The following MGAT4C variants were observed in gnomAD, a reference collection of about 807,000 sequenced individuals.
The protein encoded by MGAT4C is alpha-1,3-mannosyl-glycoprotein 4-beta-N-acetylglucosaminyltransferase C.
MGAT4C carries 19 observed loss-of-function variants against 40.1 expected under a neutral mutation model. The observed-to-expected ratio is 0.47, with a 90% CI of 0.33 to 0.70. MGAT4C has a LOEUF of 0.70. Among genes scored for constraint, MGAT4C ranks in the 30% least tolerant of loss-of-function variants. MGAT4C has a pLI of 0.02. For synonymous variants in MGAT4C, 181 were observed against 187.1 expected, an observed-to-expected ratio of 0.97 and a Z score of 0.27; for missense variants, 491 against 563.2, an observed-to-expected ratio of 0.87 and a Z score of 1.30.
intron 1 of MGAT4C, among the ~76,000 whole-genome samples, chr12:86,239,240 G>A (rs1339365123): frequency 6.6e-6 from 1 of 152,036 alleles, no homozygotes; most frequent in Non-Finnish European, 1.5e-5. Context: ...ACTTTTGGAT[G>A]TCTCAATGAA....
chr12:86,232,987 T>A (rs1293584534), intron 1 of MGAT4C, among the ~76,000 whole-genome samples: 2 of 152,264 alleles, frequency 1.3e-5, no homozygotes, highest in South Asian at 2.1e-4. Flanking sequence ...ATAGGTAAAA[T>A]TTTAATAATT....
intron 4 of MGAT4C, among the ~76,000 whole-genome samples, chr12:86,295,937 A>T (rs1953659741): frequency 7.1e-6 from 1 of 140,916 alleles, no homozygotes; most frequent in Non-Finnish European, 1.5e-5. Context: ...GCTAGACATA[A>T]AGACTCTCCA....
At chr12:86,225,932 G>T (rs1272003582) in intron 1 of MGAT4C, among the ~76,000 whole-genome samples, 1 of 151,950 alleles carries the variant, frequency 6.6e-6, no homozygotes, top group Non-Finnish European at 1.5e-5. Flanking sequence ...AGTAGTGGAA[G>T]TCCTAGCCAA....
chr12:86,790,540 TA>T (rs1952005011), intron 1 of MGAT4C, among the ~76,000 whole-genome samples: 1 of 152,180 alleles, frequency 6.6e-6, no homozygotes, highest in Non-Finnish European at 1.5e-5. Flanking sequence ...TATGAGAATC[TA>T]TTTTCTATTA....
intron 2 of MGAT4C, among the ~76,000 whole-genome samples, chr12:86,611,656 C>G (rs1962287013): frequency 6.6e-6 from 1 of 152,112 alleles, no homozygotes; most frequent in Non-Finnish European, 1.5e-5. Flanking sequence ...TTTAATCATA[C>G]TTGGTAAAAT....
rs144745313 is a variant in MGAT4C, at chr12:86,264,050, GTTAT to G, written c.-57+70011_-57+70014del. Among the ~76,000 whole-genome samples, 1,344 of 152,080 alleles carry G rather than the reference GTTAT, an allele frequency of 8.8e-3. 17 individuals carry two copies. The highest frequency in any genetic ancestry group is 0.029 in the African/African-American group (1,208 of 41,502). On this transcript the variant is annotated intron_variant, in intron 4 of 7. Transcript: ENST00000548651. ...TGGGGTGGGGGGTTGTTGTTGGTGG[GTTAT>G]TTGAGTTCTTTCTACATCCTGGATA...
intron 4 of MGAT4C, among the ~76,000 whole-genome samples, chr12:86,281,453 T>C (rs866719667): frequency 6.6e-6 from 1 of 151,964 alleles, no homozygotes; most frequent in African/African-American, 2.4e-5. Context: ...TCTGTATCTC[T>C]GTATATGTAT....
intron 4 of MGAT4C, among the ~76,000 whole-genome samples, chr12:86,331,639 A>T (rs1954671334): frequency 1.3e-5 from 2 of 152,142 alleles, no homozygotes; most frequent in Non-Finnish European, 2.9e-5. Flanking sequence ...TTAGAGAGAC[A>T]GTTTAACAAC....
chr12:86,707,334 C>A (rs1209539006), intron 2 of MGAT4C, among the ~76,000 whole-genome samples: 1 of 151,934 alleles, frequency 6.6e-6, no homozygotes, highest in African/African-American at 2.4e-5. Flanking sequence ...ATGCTGATAG[C>A]AATATGGAAA....
At chr12:86,683,194 G>C (rs1169567387) in intron 2 of MGAT4C, among the ~76,000 whole-genome samples, 3 of 152,018 alleles carry the variant, frequency 2.0e-5, no homozygotes, top group Non-Finnish European at 4.4e-5. Context: ...AGTATTAAAT[G>C]ACTAAAAATA....
chr12:86,627,433 C>T (rs1962852449), intron 2 of MGAT4C, among the ~76,000 whole-genome samples: 2 of 152,176 alleles, frequency 1.3e-5, no homozygotes, highest in African/African-American at 4.8e-5. Flanking sequence ...GGGACCCTGA[C>T]CCCGTGTAGC....
intron 2 of MGAT4C, among the ~76,000 whole-genome samples, chr12:86,605,295 C>T (rs1048796857): frequency 1.3e-5 from 2 of 151,974 alleles, no homozygotes; most frequent in African/African-American, 4.8e-5. Context: ...TAGTCAGTTT[C>T]AGGGATGGGA....
intron 4 of MGAT4C, among the ~76,000 whole-genome samples, chr12:86,297,211 G>A (rs1343115603): frequency 6.6e-6 from 1 of 152,084 alleles, no homozygotes; most frequent in Non-Finnish European, 1.5e-5. Context: ...CCTACAAAAA[G>A]CTCTGAATAT....
intron 1 of MGAT4C, among the ~76,000 whole-genome samples, chr12:86,226,156 A>C (rs2136000720): frequency 6.6e-6 from 1 of 152,040 alleles, no homozygotes; most frequent in Non-Finnish European, 1.5e-5. Context: ...TATAAAGAAA[A>C]GAAGTATATG....
At chr12:86,750,808 T>G (rs1020599604) in intron 1 of MGAT4C, among the ~76,000 whole-genome samples, 1 of 151,870 alleles carries the variant, frequency 6.6e-6, no homozygotes, top group Non-Finnish European at 1.5e-5. Context: ...TAGTCAACAA[T>G]TGTTGAAGGC....
intron 2 of MGAT4C, among the ~76,000 whole-genome samples, chr12:86,567,672 G>A (rs1305616080): frequency 6.6e-6 from 1 of 152,156 alleles, no homozygotes; most frequent in Non-Finnish European, 1.5e-5. Flanking sequence ...ATGTGCTGAG[G>A]TGCTTGCTGA....
At chr12:86,146,077 T>A (rs1225189993) in intron 1 of MGAT4C, among the ~76,000 whole-genome samples, 1 of 152,158 alleles carries the variant, frequency 6.6e-6, no homozygotes, top group African/African-American at 2.4e-5. Flanking sequence ...TTATCAAATT[T>A]TAACAGCAAA....
intron 1 of MGAT4C, among the ~76,000 whole-genome samples, chr12:86,244,534 CATTT>C (rs1951934911): frequency 6.6e-6 from 1 of 152,214 alleles, no homozygotes; most frequent in Non-Finnish European, 1.5e-5. Context: ...ATCATACATT[CATTT>C]AATCAGCATT....
intron 2 of MGAT4C, among the ~76,000 whole-genome samples, chr12:86,714,242 C>A (rs947908230): frequency 1.1e-4 from 16 of 152,208 alleles, no homozygotes; most frequent in African/African-American, 3.9e-4. Flanking sequence ...TGGCTTAAGT[C>A]TCTTCTACCT....
Sources: gnomAD v4.1 joint callset for allele counts (sites outside exome capture counted in the v4.1 genomes callset) on GRCh38, gnomAD v4.1.1 for gene constraint, MANE v1.5 for transcripts, NCBI Gene and HGNC (gene_info 2026-07-23, HGNC 2026-07-21) for gene names.